The following ETV1 variants were observed in gnomAD, a reference collection of about 807,000 sequenced individuals.
ETV1 encodes the protein ETS translocation variant 1.
A neutral mutation model predicts 62.3 loss-of-function variants in ETV1; 27 were observed. That is an observed-to-expected ratio of 0.43 (90% CI 0.32 to 0.60). The LOEUF (loss-of-function observed/expected upper bound fraction) is 0.60. Among genes scored for constraint, ETV1 ranks in the 20% least tolerant of loss-of-function variants. The pLI, the probability that ETV1 is intolerant of heterozygous loss-of-function variation, is 0.06. For missense variants in ETV1, 605 were observed against 605.8 expected (o/e 1.00, Z 0.01); for synonymous variants, 222 against 199.6 (o/e 1.11, Z -0.94).
chr7:13,893,444 T>A lies in ETV1; in HGVS notation c.*2422A>T. The A allele has an allele frequency of 4.3e-6, 1 of 230,722 alleles. No individual in the cohort carries two copies. Among genetic ancestry groups the A allele is most frequent in the Non-Finnish European group, 8.6e-6 (1 of 116,574 alleles). 14.3% of individuals were successfully genotyped at this position (230,722 alleles called of 1,614,324 possible). ...TGGAAATACACTTAATGTTGGTCAATTATGTATTTAGTTCAGTGAGTCACT... is the reference window on the plus strand; with the variant it reads ...TGGAAATACACTTAATGTTGGTCAAATATGTATTTAGTTCAGTGAGTCACT... On this transcript the variant is annotated 3_prime_UTR_variant, in exon 14 of 14. Transcript: ENST00000430479.
chr7:13,934,778 C>T (rs1583692490), intron 8 of ETV1, among the ~76,000 whole-genome samples: 1 of 152,144 alleles, frequency 6.6e-6, no homozygotes, highest in African/African-American at 2.4e-5. Context: ...ATCTTTGCAA[C>T]TCGGCATTCA....
At chr7:13,970,263 AAC>A (rs71033966) in intron 6 of ETV1, among the ~76,000 whole-genome samples, 4,245 of 124,504 alleles carry the variant, frequency 0.034, 80 homozygotes, top group Middle Eastern at 0.05. Flanking sequence ...CCCATCTCAA[AAC>A]ACACACACAC....
chr7:13,950,101 G>A (rs1009105744), intron 6 of ETV1, among the ~76,000 whole-genome samples: 1 of 152,066 alleles, frequency 6.6e-6, no homozygotes, highest in African/African-American at 2.4e-5. Flanking sequence ...ATATGATTAA[G>A]GTTTCAGGAT....
At chr7:13,919,059 G>C (rs969048008) in intron 9 of ETV1, among the ~76,000 whole-genome samples, 2 of 152,012 alleles carry the variant, frequency 1.3e-5, no homozygotes, top group African/African-American at 4.8e-5. Context: ...GAAGTATCTA[G>C]TCAAAATAAA....
intron 13 of ETV1, among the ~76,000 whole-genome samples, 185 bp from the exon 14 acceptor site, chr7:13,896,272 A>G (rs1372695845): frequency 2.6e-5 from 4 of 152,158 alleles, no homozygotes; most frequent in East Asian, 3.9e-4. Flanking sequence ...GGAATAAACT[A>G]CAGTTCAGTC....
At chr7:13,950,677 T>C (rs1034438630) in intron 6 of ETV1, among the ~76,000 whole-genome samples, 2 of 152,092 alleles carry the variant, frequency 1.3e-5, no homozygotes, top group Non-Finnish European at 2.9e-5. Flanking sequence ...TATTCCAGAT[T>C]GGGGTCCATC....
At chr7:13,975,672 G>C (rs1354772876) in intron 6 of ETV1, among the ~76,000 whole-genome samples, 1 of 149,068 alleles carries the variant, frequency 6.7e-6, no homozygotes. Flanking sequence ...GATGAGTTGA[G>C]TAAGAAGGAG....
intron 7 of ETV1, 27 bp downstream of exon 7, chr7:13,939,090 C>G (rs1394513850): frequency 5.6e-5 from 89 of 1,601,648 alleles, no homozygotes; most frequent in Non-Finnish European, 7.4e-5. Context: ...AACCACTATC[C>G]TACATACATA....
chr7:13,978,713 TAA>T (rs1016954643), intron 5 of ETV1, among the ~76,000 whole-genome samples: 1 of 151,858 alleles, frequency 6.6e-6, no homozygotes, highest in South Asian at 2.1e-4. Flanking sequence ...TTCTACATTT[TAA>T]AAAAATTTTA....
intron 6 of ETV1, among the ~76,000 whole-genome samples, chr7:13,965,494 G>C (rs1042205288): frequency 6.6e-6 from 1 of 151,910 alleles, no homozygotes; most frequent in Non-Finnish European, 1.5e-5. Context: ...AAGCTTGTAC[G>C]TGTAGTCTGA....
chr7:13,988,865 A>G, intron 3 of ETV1, 143 bp downstream of exon 3: 1 of 1,579,446 alleles, frequency 6.3e-7, no homozygotes, highest in Non-Finnish European at 8.6e-7. Flanking sequence ...GGCTTCTAGA[A>G]GCAGAGTCGC....
intron 5 of ETV1, among the ~76,000 whole-genome samples, chr7:13,979,299 C>A (rs1781753411): frequency 6.6e-6 from 1 of 152,044 alleles, no homozygotes; most frequent in Non-Finnish European, 1.5e-5. Flanking sequence ...TACCCACCAA[C>A]CCTTGTCTTT....
At chr7:13,942,026 T>G (rs1446594340) in intron 6 of ETV1, among the ~76,000 whole-genome samples, 1 of 70,586 alleles carries the variant, frequency 1.4e-5, no homozygotes, top group Non-Finnish European at 3.6e-5. Flanking sequence ...ATTTCTTTTT[T>G]TTTTTTTTTT....
intron 5 of ETV1, among the ~76,000 whole-genome samples, chr7:13,981,544 T>TAC (rs1554317754): frequency 0.021 from 3,123 of 150,842 alleles, 56 homozygotes; most frequent in Middle Eastern, 0.051. Flanking sequence ...TATATATATA[T>TAC]ACACACACAC....
intron 8 of ETV1, among the ~76,000 whole-genome samples, chr7:13,934,591 T>G (rs1000651959): frequency 6.6e-6 from 1 of 152,232 alleles, no homozygotes; most frequent in Non-Finnish European, 1.5e-5. Context: ...CAGCCACTAT[T>G]AACAGTTAAA....
intron 6 of ETV1, among the ~76,000 whole-genome samples, chr7:13,944,996 A>T (rs1787991578): frequency 6.6e-6 from 1 of 152,118 alleles, no homozygotes; most frequent in African/African-American, 2.4e-5. Context: ...GAGGCAGGGA[A>T]TAGATTCCCT....
rs2128397053 is a variant in ETV1 at position 13,894,162 on chromosome 7, T to TG, written c.*1703_*1704insC. ...TTGACTTTGTGTTTAGAATTTTTTT[T>TG]TTTTTTTGCTTTTTGCTATAGACTC... On this transcript the variant is annotated 3_prime_UTR_variant, in exon 14 of 14. Transcript: ENST00000430479. 1 of 232,626 alleles carries TG rather than the reference T, an allele frequency of 4.3e-6. No individual in the cohort carries two copies. Among genetic ancestry groups the TG allele is most frequent in the Non-Finnish European group, 8.5e-6 (1 of 117,806 alleles). 14.4% of individuals were successfully genotyped at this position (232,626 alleles called of 1,614,324 possible).
rs148229887 is a variant in ETV1 at position 13,964,485 on chromosome 7, G to A, written c.235+12942C>T. Among the ~76,000 whole-genome samples, 4 of 152,160 alleles carry A rather than the reference G, an allele frequency of 2.6e-5. 1 individual carries two copies. In the South Asian group the frequency reaches 8.3e-4, roughly 32 times the overall value. ...TCTAATCAAAATTTATCCAGAACTT[G>A]GTATTGGTTTATAGATCACGATCAT... On this transcript the variant is annotated intron_variant, in intron 6 of 13. Coordinates refer to ENST00000430479, the MANE Select transcript of ETV1 (RefSeq NM_004956.5).
chr7:13,926,279 C>T (rs920568911), intron 9 of ETV1, among the ~76,000 whole-genome samples: 3 of 152,062 alleles, frequency 2.0e-5, no homozygotes, highest in Non-Finnish European at 4.4e-5. Flanking sequence ...TCTCTAAAGT[C>T]AAAGTTTAGT....
Sources: allele counts gnomAD v4.1 joint callset (sites outside exome capture counted in the v4.1 genomes callset), GRCh38; gene constraint gnomAD v4.1.1; transcripts MANE v1.5; gene names NCBI Gene and HGNC (gene_info 2026-07-23, HGNC 2026-07-21).